The following AIG1 variants were observed in gnomAD, a reference collection of about 807,000 sequenced individuals.
The protein encoded by AIG1 is androgen-induced gene 1 protein.
Under a neutral mutation model 31.4 loss-of-function variants are expected in AIG1, and 23 were observed. That is an observed-to-expected ratio of 0.73 (90% CI 0.53 to 1.04). AIG1 has a LOEUF of 1.04. Ranked by LOEUF, AIG1 falls within the 50% of genes least tolerant of loss-of-function variation. AIG1 has a pLI of 0.00. For synonymous variants in AIG1, 100 were observed against 110.5 expected (o/e 0.90, Z 0.60); for missense variants, 274 against 295.0 (o/e 0.93, Z 0.52).
intron 4 of AIG1, among the ~76,000 whole-genome samples, chr6:143,307,574 G>A (rs1799423621): frequency 6.6e-6 from 1 of 152,154 alleles, no homozygotes; most frequent in South Asian, 2.1e-4. Flanking sequence ...TATCTCAGAG[G>A]AGTACCTGGC....
At chr6:143,343,090 A>T, downstream of AIG1, 1 of 776,056 alleles carries the variant, frequency 1.3e-6, no homozygotes, top group Non-Finnish European at 2.4e-6. Context: ...CATCATGATG[A>T]TCCTCGCAGC....
chr6:143,230,736 C>T (rs1243032174), intron 3 of AIG1, among the ~76,000 whole-genome samples: 1 of 151,884 alleles, frequency 6.6e-6, no homozygotes, highest in Non-Finnish European at 1.5e-5. Context: ...AATTCATTTT[C>T]AAAATACTAT....
chr6:143,313,140 G>A (rs1459515265), intron 4 of AIG1, among the ~76,000 whole-genome samples: 1 of 152,102 alleles, frequency 6.6e-6, no homozygotes, highest in Non-Finnish European at 1.5e-5. Flanking sequence ...ATGGAAAACA[G>A]TTTGGAGCCT....
In AIG1 at chr6:143,297,024, C is replaced by G. The variant is rs1156371019; in HGVS notation, c.515+12799C>G. Among the ~76,000 whole-genome samples the G allele has an allele frequency of 6.6e-6, 1 of 152,296 alleles. No individual in the cohort carries two copies. Among genetic ancestry groups the G allele is most frequent in the Middle Eastern group, 3.4e-3 (1 of 294 alleles). On this transcript the variant is annotated intron_variant, in intron 4 of 5. Coordinates refer to ENST00000357847, the MANE Select transcript of AIG1 (RefSeq NM_016108.4). This position sits in a 1 kb window ranked among gnomAD's most constrained non-coding sequence, Gnocchi z 5.1. ...AAGCTTCAGCTCTGTCCTCAAGGAG[C>G]TTACAGTCTATTGAAGGATACAGGG... is the stretch of plus-strand genomic sequence containing the variant.
At chr6:143,317,585 G>C (rs1185410343) in intron 4 of AIG1, among the ~76,000 whole-genome samples, 4 of 152,048 alleles carry the variant, frequency 2.6e-5, no homozygotes, top group Non-Finnish European at 4.4e-5. Flanking sequence ...TTCCCTCTGA[G>C]AACTGGAACA....
intron 1 of AIG1, among the ~76,000 whole-genome samples, chr6:143,117,547 C>G (rs6910423): frequency 0.22 from 34,090 of 152,034 alleles, 7,735 homozygotes; most frequent in African/African-American, 0.56. Context: ...AGCAGATTGT[C>G]GGGGAGAGCT....
chr6:143,216,656 TCAGGAATGG>T (rs1792053836), intron 3 of AIG1, among the ~76,000 whole-genome samples: 1 of 152,212 alleles, frequency 6.6e-6, no homozygotes, highest in Non-Finnish European at 1.5e-5. Context: ...ATAGTACAGA[TCAGGAATGG>T]CAAATTGATT....
Position 143,292,762 on chromosome 6 carries a change from G to C in AIG1, c.515+8537G>C, listed in dbSNP as rs1798142511. 6.6e-6 allele frequency among the ~76,000 whole-genome samples: 1 copy of C among 152,226 alleles called. No individual in the cohort carries two copies. The highest frequency in any genetic ancestry group is 2.4e-5 in the African/African-American group (1 of 41,460). ...GAAACAAAAAAAGCATGATGATAGT[G>C]ATCAGGCAGGATTGCCGTGAGCATC... On this transcript the variant is annotated intron_variant, in intron 4 of 5. Transcript: ENST00000357847. The surrounding 1 kb of genome is among the most constrained non-coding windows in gnomAD (Gnocchi z 4.9).
At chr6:143,168,281 A>T (rs1787155129) in intron 3 of AIG1, among the ~76,000 whole-genome samples, 1 of 151,802 alleles carries the variant, frequency 6.6e-6, no homozygotes, top group South Asian at 2.1e-4. Context: ...TTATACTTTA[A>T]GTTTTAGGGT....
chr6:143,218,455 G>A (rs566759027), intron 3 of AIG1, among the ~76,000 whole-genome samples: 20 of 152,226 alleles, frequency 1.3e-4, no homozygotes, highest in Non-Finnish European at 1.9e-4. Context: ...GTTTCCCATC[G>A]TTACTGTTCT....
rs973781383 is a variant in AIG1, at chr6:143,077,786, C to G, written c.141+16720C>G. ...CTTCAAATATTTTTTCTATGATTAC[C>G]TCTTTCTTTCATTTCTTCTTCTGCC... On this transcript the variant is annotated intron_variant, in intron 1 of 5. Coordinates refer to ENST00000357847, the MANE Select transcript of AIG1 (RefSeq NM_016108.4). 6.6e-5 allele frequency among the ~76,000 whole-genome samples: 10 copies of G among 151,924 alleles called. 1 individual carries two copies. The highest frequency in any genetic ancestry group is 8.8e-5 in the Non-Finnish European group (6 of 67,952).
At chr6:143,272,473 C>T (rs1378392561) in intron 3 of AIG1, among the ~76,000 whole-genome samples, 2 of 152,168 alleles carry the variant, frequency 1.3e-5, no homozygotes, top group Admixed American at 1.3e-4. Context: ...TGAACACACA[C>T]CAGCTTTTAA....
chr6:143,124,856 C>G (rs1782559658), intron 1 of AIG1, among the ~76,000 whole-genome samples: 1 of 152,082 alleles, frequency 6.6e-6, no homozygotes, highest in Admixed American at 6.5e-5. Context: ...GTAGAAACCA[C>G]CCCCATGATC....
downstream of AIG1, chr6:143,342,353 G>T: frequency 1.5e-6 from 1 of 671,304 alleles, no homozygotes. Context: ...TAGCCCCGCC[G>T]CAGCTGCTTA....
chr6:143,214,962 G>C (rs1022494913), intron 3 of AIG1, among the ~76,000 whole-genome samples: 10 of 152,104 alleles, frequency 6.6e-5, no homozygotes, highest in African/African-American at 2.4e-4. Context: ...ACCGTGGTGT[G>C]GGAAATTTCC....
intron 1 of AIG1, among the ~76,000 whole-genome samples, chr6:143,101,279 A>G (rs1214741477): frequency 6.6e-6 from 1 of 152,074 alleles, no homozygotes; most frequent in Admixed American, 6.5e-5. Context: ...CCTGGAGTGC[A>G]CAGTCCATCA....
chr6:143,160,945 C>A (rs1469771440), intron 2 of AIG1, among the ~76,000 whole-genome samples: 2 of 152,012 alleles, frequency 1.3e-5, no homozygotes, highest in African/African-American at 2.4e-5. Flanking sequence ...AAGTATTGAC[C>A]AAAGCTTCAC....
Position 143,284,095 on chromosome 6 carries a change from T to G in AIG1, c.400-15T>G. 1 of 1,584,396 alleles carries G rather than the reference T, an allele frequency of 6.3e-7. No individual in the cohort carries two copies. The highest frequency in any genetic ancestry group is 8.7e-7 in the Non-Finnish European group (1 of 1,153,614). On this transcript the variant is annotated splice_polypyrimidine_tract_variant and intron_variant, in intron 3 of 5. Coordinates refer to ENST00000357847, the MANE Select transcript of AIG1 (RefSeq NM_016108.4). This position sits in a 1 kb window ranked among gnomAD's most constrained non-coding sequence, Gnocchi z 4.4. ...TGATAGCAATCTGTGTCACCTAGTC[T>G]CTGTTATTTTCCAGCACACGACGGT...
intron 4 of AIG1, among the ~76,000 whole-genome samples, chr6:143,320,198 T>G (rs1361841439): frequency 2.0e-5 from 3 of 152,052 alleles, no homozygotes; most frequent in East Asian, 3.9e-4. Flanking sequence ...AAATGGCTAT[T>G]ATAAAGAAAA....
Sources: gnomAD v4.1 joint callset for allele counts (sites outside exome capture counted in the v4.1 genomes callset) on GRCh38, gnomAD v4.1.1 for gene constraint, Gnocchi (gnomAD v3.1) non-coding constraint, MANE v1.5 for transcripts, NCBI Gene and HGNC (gene_info 2026-07-23, HGNC 2026-07-21) for gene names.